The following NAT8L variants were observed in gnomAD, a reference collection of about 807,000 sequenced individuals.
NAT8L encodes N-acetylaspartate synthetase.
NAT8L carries 6 observed loss-of-function variants against 21.2 expected under a neutral mutation model. The ratio of observed to expected loss-of-function variants is 0.28; its 90% CI spans 0.16 to 0.56. The LOEUF is 0.56. Ranked by LOEUF, NAT8L falls within the 20% of genes least tolerant of loss-of-function variation. NAT8L has a pLI of 0.93. For missense variants in NAT8L, 331 were observed against 433.3 expected (o/e 0.76, Z 2.10); for synonymous variants, 239 against 204.9 (o/e 1.17, Z -1.42).
rs1366290966 is a variant in NAT8L, at chr4:2,059,567, ACCATGAGGCGCTGCCGGGGG to A, written c.60_79del (p.His20GlnfsTer79). ...GAGACGAAGATCGTGGCCGCCGAGGACCATGAGGCGCTGCCGGGGGCCAAGAAGGACGCGCTGCTCGCCGC... is the reference window on the plus strand; with the variant it reads ...GAGACGAAGATCGTGGCCGCCGAGGACCAAGAAGGACGCGCTGCTCGCCGC... On this transcript the variant is annotated frameshift_variant, in exon 1 of 3. Coordinates refer to ENST00000423729, the MANE Select transcript of NAT8L (RefSeq NM_178557.4). LOFTEE classifies it high-confidence loss of function. This position sits in a 1 kb window ranked among gnomAD's most constrained non-coding sequence, Gnocchi z 4.8. 1 of 990,798 alleles carries A rather than the reference ACCATGAGGCGCTGCCGGGGG, an allele frequency of 1.0e-6. No homozygotes were observed. The highest frequency in any genetic ancestry group is 1.2e-6 in the Non-Finnish European group (1 of 834,636). The allele number at this position is 990,798 out of a possible 1,614,324, so 61.4% of individuals were successfully genotyped here.
At position 2,065,210 on chromosome 4, in the gene NAT8L, G is replaced by A. The variant is rs762628472; in HGVS notation, c.*1083G>A. On this transcript the variant is annotated 3_prime_UTR_variant, in exon 3 of 3. Transcript: ENST00000423729. ...AGCGTTTTGCTGTTGGAAACCTGGAGGGAAACCCTGATTGGATGTCATTTC... is the reference window on the plus strand; with the variant it reads ...AGCGTTTTGCTGTTGGAAACCTGGAAGGAAACCCTGATTGGATGTCATTTC... 4 of 152,334 alleles carry A rather than the reference G, an allele frequency of 2.6e-5. No individual in the cohort carries two copies. The highest frequency in any genetic ancestry group is 5.9e-5 in the Non-Finnish European group (4 of 68,100). 9.4% of individuals were successfully genotyped at this position (152,334 alleles called of 1,614,324 possible).
rs1264681358 is a variant in NAT8L at position 2,059,527 on chromosome 4, C to G, written c.16C>G (p.Pro6Ala). 3 of 1,002,000 alleles carry G rather than the reference C, an allele frequency of 3.0e-6. No individual in the cohort carries two copies. The highest frequency in any genetic ancestry group is 3.6e-6 in the Non-Finnish European group (3 of 840,458). 62.1% of individuals were successfully genotyped at this position (1,002,000 alleles called of 1,614,324 possible). MHCGP[P>A]DMVCETKIVA... is the part of the protein sequence containing the mutation. ...GGCCGGGTGCATGCATTGTGGGCCTCCCGACATGGTCTGCGAGACGAAGAT... is the reference window on the plus strand; with the variant it reads ...GGCCGGGTGCATGCATTGTGGGCCTGCCGACATGGTCTGCGAGACGAAGAT... Residue 6 changes from proline to alanine, a missense_variant, in exon 1 of 3, where the codon CCC becomes GCC. Around this residue, in one of 2 missense-constraint regions of NAT8L, gnomAD observed 199 missense variants for 196.1 expected, o/e 1.01. Transcript: ENST00000423729. The surrounding 1 kb of genome is among the most constrained non-coding windows in gnomAD (Gnocchi z 4.8).
At chr4:2,062,962 C>G (rs866821953) in intron 2 of NAT8L, among the ~76,000 whole-genome samples, 1 of 152,210 alleles carries the variant, frequency 6.6e-6, no homozygotes, top group Admixed American at 6.5e-5. Context: ...CTCCCACAAC[C>G]GCCCCAACCT....
In NAT8L at chr4:2,060,096, G is replaced by GGGTCCGC. The variant is rs1452066331; in HGVS notation, c.376+210_376+216dup. On this transcript the variant is annotated intron_variant, in intron 1 of 2. Transcript: ENST00000423729. This position sits in a 1 kb window ranked among gnomAD's most constrained non-coding sequence, Gnocchi z 4.7. ...GCGGGCCGGAGCCGGGGAGGGTCCG[G>GGGTCCGC]GGTCCGCACCTGCGTCCCCGCCGCG... is the stretch of plus-strand genomic sequence containing the variant. Among the ~76,000 whole-genome samples the GGGTCCGC allele has an allele frequency of 6.6e-6, 1 of 151,826 alleles. No individual in the cohort carries two copies. Among genetic ancestry groups the GGGTCCGC allele is most frequent in the Non-Finnish European group, 1.5e-5 (1 of 67,876 alleles).
Position 2,068,117 on chromosome 4 carries a change from CGT to C in NAT8L, c.*3993_*3994del, listed in dbSNP as rs920264224. 1.6e-4 allele frequency: 9 copies of C among 57,466 alleles called. No homozygotes were observed. Among genetic ancestry groups the C allele is most frequent in the African/African-American group, 4.3e-4 (9 of 20,890 alleles). The allele number at this position is 57,466 out of a possible 1,614,324, so 3.6% of individuals were successfully genotyped here. On this transcript the variant is annotated 3_prime_UTR_variant, in exon 3 of 3. Coordinates refer to ENST00000423729, the MANE Select transcript of NAT8L (RefSeq NM_178557.4). ...ATGTACCTGTGTGTGTGCATGTGCACGTGTTTGAGCGTGTGTGTGTGTGCAAG... is the reference window on the plus strand; with the variant it reads ...ATGTACCTGTGTGTGTGCATGTGCACGTTTGAGCGTGTGTGTGTGTGCAAG...
At chr4:2,062,187 C>T (rs996442531) in intron 2 of NAT8L, among the ~76,000 whole-genome samples, 2 of 152,164 alleles carry the variant, frequency 1.3e-5, no homozygotes, top group African/African-American at 4.8e-5. Context: ...GGGTAGCTGG[C>T]AGGGCTGCAG....
At position 2,060,581 on chromosome 4, in the gene NAT8L, G is replaced by A. The variant is rs922775763; in HGVS notation, c.377-417G>A. 6.6e-6 allele frequency among the ~76,000 whole-genome samples: 1 copy of A among 152,224 alleles called. No individual in the cohort carries two copies. Among genetic ancestry groups the A allele is most frequent in the Admixed American group, 6.5e-5 (1 of 15,306 alleles). ...GCTCTTGCTGGGGCCCTGGGAAGAG[G>A]GGGTCCTGGAGCCCGAGGCTGGAAC... On this transcript the variant is annotated intron_variant, in intron 1 of 2. Coordinates refer to ENST00000423729, the MANE Select transcript of NAT8L (RefSeq NM_178557.4). The surrounding 1 kb of genome is among the most constrained non-coding windows in gnomAD (Gnocchi z 4.7).
At chr4:2,063,057 A>G (rs1420096531) in intron 2 of NAT8L, among the ~76,000 whole-genome samples, 1 of 152,176 alleles carries the variant, frequency 6.6e-6, no homozygotes, top group Non-Finnish European at 1.5e-5. Flanking sequence ...CGAGGTGAGA[A>G]TTGGGCCGTG....
chr4:2,061,214 G>A (rs767961381), intron 2 of NAT8L, 52 bp downstream of exon 2: 26 of 1,604,828 alleles, frequency 1.6e-5, no homozygotes, highest in Non-Finnish European at 2.2e-5. Flanking sequence ...AGCCCTCGGG[G>A]GCACGCACTC....
At chr4:2,061,418 C>T (rs1486104729) in intron 2 of NAT8L, among the ~76,000 whole-genome samples, 2 of 152,254 alleles carry the variant, frequency 1.3e-5, no homozygotes, top group East Asian at 3.8e-4. Flanking sequence ...GCTGTGGATG[C>T]GTCTCCCTGG....
rs1183452666 is a variant in NAT8L, at chr4:2,060,640, C to T, written c.377-358C>T. Among the ~76,000 whole-genome samples the T allele has an allele frequency of 6.6e-6, 1 of 151,948 alleles. No individual in the cohort carries two copies. The highest frequency in any genetic ancestry group is 1.5e-5 in the Non-Finnish European group (1 of 67,908). The stretch of plus-strand genomic sequence containing the variant: ...CCCCCCTTCCTCCTCCCCCCTCCCC[C>T]CTCCCCCGCGCGGGGCCTGGTCTGC... On this transcript the variant is annotated intron_variant, in intron 1 of 2. Transcript: ENST00000423729. This position sits in a 1 kb window ranked among gnomAD's most constrained non-coding sequence, Gnocchi z 4.7.
chr4:2,064,678 T>TCCCCAGC lies in NAT8L; in HGVS notation c.*559_*565dup, dbSNP rs1729963106. ...AGACCCGGGCTGGTGAGCGCCCCTG[T>TCCCCAGC]CCCCAGCCCCCAGCTGGCTGTGGGA... On this transcript the variant is annotated 3_prime_UTR_variant, in exon 3 of 3. Coordinates refer to ENST00000423729, the MANE Select transcript of NAT8L (RefSeq NM_178557.4). 1 of 153,430 alleles carries TCCCCAGC rather than the reference T, an allele frequency of 6.5e-6. No homozygotes were observed. 9.5% of individuals were successfully genotyped at this position (153,430 alleles called of 1,614,324 possible).
intron 2 of NAT8L, among the ~76,000 whole-genome samples, chr4:2,061,714 G>A (rs565132607): frequency 2.0e-5 from 3 of 152,140 alleles, no homozygotes; most frequent in African/African-American, 4.8e-5. Flanking sequence ...TCTAGGGGGG[G>A]TGGGGGTTGT....
intron 2 of NAT8L, among the ~76,000 whole-genome samples, chr4:2,061,839 C>T (rs1729898451): frequency 1.3e-5 from 2 of 152,206 alleles, no homozygotes; most frequent in Non-Finnish European, 2.9e-5. Flanking sequence ...GATCCTGGAG[C>T]GTCTGTAGGC....
chr4:2,059,762 G>A lies in NAT8L; in HGVS notation c.251G>A (p.Arg84His). Residue 84 changes from arginine to histidine, a missense_variant, in exon 1 of 3, where the codon CGT (arginine) becomes CAT (histidine). Coordinates refer to ENST00000423729, the MANE Select transcript of NAT8L (RefSeq NM_178557.4). The surrounding 1 kb of genome is among the most constrained non-coding windows in gnomAD (Gnocchi z 4.8). ...CGCGGCGTGTGCATCCGCGAGTTCC[G>A]TGCGGCCGAGCAGGAGGCGGCGCGC... ...GGRGVCIREF[R>H]AAEQEAARRI... 2 of 1,323,742 alleles carry A rather than the reference G, an allele frequency of 1.5e-6. No individual in the cohort carries two copies. The highest frequency in any genetic ancestry group is 3.9e-5 in the East Asian group (1 of 25,716). 82.0% of individuals were successfully genotyped at this position (1,323,742 alleles called of 1,614,324 possible). A position where few individuals can be genotyped will look rare whatever the true frequency, so the allele number is the denominator to read the frequency against.
chr4:2,060,934 G>C lies in NAT8L; in HGVS notation c.377-64G>C. 1 of 916,272 alleles carries C rather than the reference G, an allele frequency of 1.1e-6. No individual in the cohort carries two copies. The highest frequency in any genetic ancestry group is 1.6e-6 in the Non-Finnish European group (1 of 632,910). 56.8% of individuals were successfully genotyped at this position (916,272 alleles called of 1,614,324 possible). A position where few individuals can be genotyped will look rare whatever the true frequency, so the allele number is the denominator to read the frequency against. ...CGCGGCGTCCCTAGCGGGCTTCGCC[G>C]GGGTGGCGTCTCTGGGGCCTGGGGA... On this transcript the variant is annotated intron_variant, in intron 1 of 2. Coordinates refer to ENST00000423729, the MANE Select transcript of NAT8L (RefSeq NM_178557.4). This position sits in a 1 kb window ranked among gnomAD's most constrained non-coding sequence, Gnocchi z 4.7.
rs1257661782 is a variant in NAT8L, at chr4:2,059,379, C to T, written c.-133C>T. 1.8e-5 allele frequency: 3 copies of T among 168,506 alleles called. No individual in the cohort carries two copies. The highest frequency in any genetic ancestry group is 2.5e-5 in the African/African-American group (1 of 40,714). The allele number at this position is 168,506 out of a possible 1,614,324, so 10.4% of individuals were successfully genotyped here. A position where few individuals can be genotyped will look rare whatever the true frequency, so the allele number is the denominator to read the frequency against. On this transcript the variant is annotated 5_prime_UTR_variant, in exon 1 of 3. Transcript: ENST00000423729. This position sits in a 1 kb window ranked among gnomAD's most constrained non-coding sequence, Gnocchi z 4.8. ...CCTCCGCCCCGCGCCCCTGAGCTGC[C>T]GCCGCCGCCGCCGCCGCTGCCGCCG...
In NAT8L at chr4:2,060,616, C is replaced by T. The variant is rs1006700817; in HGVS notation, c.377-382C>T. Among the ~76,000 whole-genome samples the T allele has an allele frequency of 1.3e-5, 2 of 151,916 alleles. No individual in the cohort carries two copies. Among genetic ancestry groups the T allele is most frequent in the Non-Finnish European group, 2.9e-5 (2 of 67,936 alleles). On this transcript the variant is annotated intron_variant, in intron 1 of 2. Transcript: ENST00000423729. The surrounding 1 kb of genome is among the most constrained non-coding windows in gnomAD (Gnocchi z 4.7). ...AGCCCGAGGCTGGAACGTGGGACAC[C>T]CCCCTTCCTCCTCCCCCCTCCCCCC...
chr4:2,062,937 G>C (rs926184499), intron 2 of NAT8L, among the ~76,000 whole-genome samples: 2 of 152,200 alleles, frequency 1.3e-5, no homozygotes, highest in African/African-American at 4.8e-5. Flanking sequence ...CCTGTGGCCA[G>C]TGCCTGCAGG....
Sources: allele counts gnomAD v4.1 joint callset (sites outside exome capture counted in the v4.1 genomes callset), GRCh38; gene constraint gnomAD v4.1.1; regional missense constraint gnomAD v4.1.1; non-coding constraint Gnocchi (gnomAD v3.1); transcripts MANE v1.5; gene names NCBI Gene and HGNC (gene_info 2026-07-23, HGNC 2026-07-21).